The following METTL15 variants were observed in gnomAD, a reference collection of about 807,000 sequenced individuals.
METTL15 encodes methyltransferase 15, mitochondrial 12S rRNA N4-cytidine.
A neutral mutation model predicts 38.3 loss-of-function variants in METTL15; 34 were observed. The ratio of observed to expected loss-of-function variants is 0.89; its 90% CI spans 0.68 to 1.18. The LOEUF is 1.18. Ranked by LOEUF, METTL15 falls within the 50% of genes most tolerant of loss-of-function variation. METTL15 has a pLI of 0.00. For missense variants in METTL15, 438 were observed against 498.4 expected, an observed-to-expected ratio of 0.88 and a Z score of 1.15; for synonymous variants, 162 against 170.9, an observed-to-expected ratio of 0.95 and a Z score of 0.41.
intron 4 of METTL15, among the ~76,000 whole-genome samples, chr11:28,227,725 A>C (rs1416300242): frequency 1.3e-5 from 2 of 151,838 alleles, no homozygotes; most frequent in African/African-American, 4.8e-5. Context: ...ACATGATCAT[A>C]TTTGCACTTT....
At chr11:28,133,437 A>G (rs1366309231) in intron 3 of METTL15, among the ~76,000 whole-genome samples, 3 of 152,198 alleles carry the variant, frequency 2.0e-5, no homozygotes, top group Non-Finnish European at 2.9e-5. Context: ...TTAACACACT[A>G]TGGTAGCCAG....
intron 3 of METTL15, among the ~76,000 whole-genome samples, chr11:28,199,000 G>A (rs1405837262): frequency 1.4e-5 from 2 of 144,450 alleles, no homozygotes; most frequent in Non-Finnish European, 3.0e-5. Flanking sequence ...TTTTTTTAAT[G>A]TCCAAATAAA....
chr11:28,188,529 A>G (rs1482822168), intron 3 of METTL15, among the ~76,000 whole-genome samples: 1 of 151,248 alleles, frequency 6.6e-6, no homozygotes, highest in Non-Finnish European at 1.5e-5. Flanking sequence ...ACTAGCTTAT[A>G]ATATTTTAAT....
chr11:28,391,826 A>G (rs1850511904), intron 5 of METTL15, among the ~76,000 whole-genome samples: 1 of 152,226 alleles, frequency 6.6e-6, no homozygotes, highest in Non-Finnish European at 1.5e-5. Context: ...AAGATGGGTT[A>G]AAGACTTAAA....
At chr11:28,340,820 G>A (rs1849945183) in intron 3 of METTL15, among the ~76,000 whole-genome samples, 1 of 152,070 alleles carries the variant, frequency 6.6e-6, no homozygotes, top group Admixed American at 6.6e-5. Context: ...CCCATCACTA[G>A]GTGTATACCC....
At chr11:28,139,113 C>T (rs1405907194) in intron 3 of METTL15, among the ~76,000 whole-genome samples, 1 of 152,098 alleles carries the variant, frequency 6.6e-6, no homozygotes, top group African/African-American at 2.4e-5. Flanking sequence ...GGTTTCCTTC[C>T]CCTGAGCTCA....
intron 6 of METTL15, among the ~76,000 whole-genome samples, chr11:28,465,973 G>A (rs897856058): frequency 2.0e-5 from 3 of 152,152 alleles, no homozygotes; most frequent in African/African-American, 7.2e-5. Flanking sequence ...TATATGGTAG[G>A]TATATGTTAA....
chr11:28,413,502 A>T (rs1025666769), intron 5 of METTL15, among the ~76,000 whole-genome samples: 1 of 152,178 alleles, frequency 6.6e-6, no homozygotes, highest in Non-Finnish European at 1.5e-5. Context: ...TCCACATAGA[A>T]AACACTCTTA....
At chr11:28,517,626 A>T (rs1270694662) in intron 6 of METTL15, among the ~76,000 whole-genome samples, 2 of 152,190 alleles carry the variant, frequency 1.3e-5, no homozygotes, top group Admixed American at 6.5e-5. Context: ...TCATTTTAGC[A>T]ACTTCTCTTC....
intron 6 of METTL15, among the ~76,000 whole-genome samples, chr11:28,324,865 A>G (rs1239622126): frequency 6.6e-6 from 1 of 152,170 alleles, no homozygotes; most frequent in African/African-American, 2.4e-5. Flanking sequence ...CAGGTGAAAG[A>G]TGATTTTATT....
At chr11:28,414,504 A>G (rs901247540) in intron 5 of METTL15, among the ~76,000 whole-genome samples, 4 of 152,134 alleles carry the variant, frequency 2.6e-5, no homozygotes, top group Non-Finnish European at 2.9e-5. Flanking sequence ...AATAGAGCCA[A>G]CACACCCAAG....
chr11:28,441,250 T>C (rs1357593524), intron 6 of METTL15, among the ~76,000 whole-genome samples: 1 of 152,014 alleles, frequency 6.6e-6, no homozygotes. Context: ...CTAATTTTTG[T>C]ATTTTTTTAG....
intron 3 of METTL15, among the ~76,000 whole-genome samples, chr11:28,202,632 A>G (rs932152419): frequency 3.9e-5 from 6 of 152,250 alleles, no homozygotes; most frequent in Middle Eastern, 6.8e-3. Context: ...TATATAGTTC[A>G]GCATGTGCTT....
At chr11:28,471,097 A>G (rs1851299802) in intron 6 of METTL15, among the ~76,000 whole-genome samples, 1 of 152,098 alleles carries the variant, frequency 6.6e-6, no homozygotes. Flanking sequence ...AGCCATCAGA[A>G]GACCCAACAA....
intron 4 of METTL15, among the ~76,000 whole-genome samples, chr11:28,217,026 G>A (rs1852915879): frequency 6.6e-6 from 1 of 152,004 alleles, no homozygotes; most frequent in South Asian, 2.1e-4. Flanking sequence ...AAACATACGT[G>A]TGCATGTGTC....
At chr11:28,281,167 T>G (rs1464130519) in intron 4 of METTL15, among the ~76,000 whole-genome samples, 1 of 152,224 alleles carries the variant, frequency 6.6e-6, no homozygotes, top group Non-Finnish European at 1.5e-5. Context: ...TCTAAGACTA[T>G]GTTACCCTAA....
At chr11:28,414,706 AC>A (rs1850758562) in intron 5 of METTL15, among the ~76,000 whole-genome samples, 1 of 152,200 alleles carries the variant, frequency 6.6e-6, no homozygotes. Context: ...AGGAAACTAG[AC>A]AAATCTTTTG....
chr11:28,259,962 T>TTA (rs1206515973), intron 4 of METTL15, among the ~76,000 whole-genome samples: 2 of 152,178 alleles, frequency 1.3e-5, no homozygotes, highest in African/African-American at 4.8e-5. Flanking sequence ...CACCAATACT[T>TTA]CTGATTACTT....
chr11:28,262,944 T>G (rs537871978), intron 4 of METTL15, among the ~76,000 whole-genome samples: 1 of 152,094 alleles, frequency 6.6e-6, no homozygotes, highest in Non-Finnish European at 1.5e-5. Flanking sequence ...TTATAGATCT[T>G]GAGATTTTAA....
Sources: gnomAD v4.1 joint callset for allele counts (sites outside exome capture counted in the v4.1 genomes callset) on GRCh38, gnomAD v4.1.1 for gene constraint, MANE v1.5 for transcripts, NCBI Gene and HGNC (gene_info 2026-07-23, HGNC 2026-07-21) for gene names.